Variants in CSMD1 observed in about 807,000 individuals in gnomAD.
CSMD1 encodes CUB and Sushi multiple domains 1.
CSMD1 carries 213 observed loss-of-function variants against 417.5 expected under a neutral mutation model. That is an observed-to-expected ratio of 0.51 (90% CI 0.46 to 0.57). The LOEUF (loss-of-function observed/expected upper bound fraction) is 0.57, where lower values mean the gene tolerates loss of function less well. CSMD1 is among the 20% of genes least tolerant of loss of function. The pLI is 0.00. For missense variants in CSMD1, 6,923 were observed against 4,529.7 expected (o/e 1.53, Z -15.17); for synonymous variants, 2,862 against 1,736.8 (o/e 1.65, Z -16.11).
intron 1 of CSMD1, among the ~76,000 whole-genome samples, chr8:4,730,926 G>T (rs1474775195): frequency 6.6e-6 from 1 of 152,012 alleles, no homozygotes; most frequent in Non-Finnish European, 1.5e-5. Context: ...AGTCATTCCT[G>T]AGGCAACCAG....
rs1277057956 is a variant in CSMD1 at position 4,433,331 on chromosome 8, A to G, written c.303-13266T>C. Among the ~76,000 whole-genome samples, 8 of 152,326 alleles carry G rather than the reference A, an allele frequency of 5.3e-5. 1 individual carries two copies. In the East Asian group the frequency reaches 1.5e-3, roughly 29 times the overall value. On this transcript the variant is annotated intron_variant, in intron 2 of 69. Transcript: ENST00000635120. The stretch of plus-strand genomic sequence containing the variant: ...CCACGAAACTGGTCCCTGGCACCAG[A>G]AAGGTTGGGGACTGCTATTATATAC...
chr8:4,732,697 A>G (rs1809982010), intron 1 of CSMD1, among the ~76,000 whole-genome samples: 1 of 152,188 alleles, frequency 6.6e-6, no homozygotes, highest in African/African-American at 2.4e-5. Context: ...GCTCTGACTA[A>G]GCAGACTTCC....
chr8:3,957,069 C>G (rs189402713), intron 5 of CSMD1, among the ~76,000 whole-genome samples: 1 of 152,182 alleles, frequency 6.6e-6, no homozygotes, highest in East Asian at 1.9e-4. Context: ...GACAAAAACG[C>G]CGGGGGAGGC....
intron 22 of CSMD1, among the ~76,000 whole-genome samples, chr8:3,343,851 C>T (rs1807815876): frequency 1.3e-5 from 2 of 152,134 alleles, no homozygotes; most frequent in South Asian, 4.1e-4. Flanking sequence ...TCTGAACTCT[C>T]AACTAAGTCA....
intron 10 of CSMD1, among the ~76,000 whole-genome samples, chr8:3,574,548 A>T: frequency 6.6e-6 from 1 of 152,194 alleles, no homozygotes; most frequent in East Asian, 1.9e-4. Context: ...AGCCCGGCCA[A>T]AAGACAGTAT....
chr8:3,736,065 G>C (rs571354164), intron 6 of CSMD1, among the ~76,000 whole-genome samples: 1 of 152,044 alleles, frequency 6.6e-6, no homozygotes, highest in Non-Finnish European at 1.5e-5. Flanking sequence ...AGGTGTGAAG[G>C]AGATTAATAA....
At chr8:3,483,776 A>T (rs1817872847) in intron 11 of CSMD1, among the ~76,000 whole-genome samples, 1 of 152,218 alleles carries the variant, frequency 6.6e-6, no homozygotes, top group Non-Finnish European at 1.5e-5. Context: ...CAATGTACAA[A>T]TCAATTATAC....
At chr8:3,585,457 T>A (rs2116995405) in intron 9 of CSMD1, among the ~76,000 whole-genome samples, 1 of 152,304 alleles carries the variant, frequency 6.6e-6, no homozygotes, top group South Asian at 2.1e-4. Flanking sequence ...AACCCAGCAT[T>A]TCTTTAATTT....
intron 5 of CSMD1, among the ~76,000 whole-genome samples, chr8:3,886,582 T>G (rs1434854031): frequency 6.6e-6 from 1 of 152,190 alleles, no homozygotes; most frequent in African/African-American, 2.4e-5. Context: ...CAGGAAAAGT[T>G]TATTTTCCAA....
At chr8:4,285,168 T>G (rs745658587) in intron 3 of CSMD1, among the ~76,000 whole-genome samples, 15 of 152,344 alleles carry the variant, frequency 9.8e-5, no homozygotes, top group Non-Finnish European at 1.5e-4. Flanking sequence ...TTTTACTCCA[T>G]GAATTTTATG....
chr8:4,253,779 A>T (rs749498381), intron 3 of CSMD1, among the ~76,000 whole-genome samples: 4 of 151,902 alleles, frequency 2.6e-5, no homozygotes, highest in Non-Finnish European at 4.4e-5. Context: ...AGCTGATGAA[A>T]ATTTTGCCTG....
intron 2 of CSMD1, among the ~76,000 whole-genome samples, chr8:4,457,555 G>C (rs1011493897): frequency 6.6e-6 from 1 of 151,862 alleles, no homozygotes; most frequent in Admixed American, 6.6e-5. Flanking sequence ...TACTAGATGG[G>C]CCTGTTAATT....
intron 41 of CSMD1, among the ~76,000 whole-genome samples, chr8:3,140,326 G>GTT (rs1013776029): frequency 7.3e-6 from 1 of 137,104 alleles, no homozygotes; most frequent in East Asian, 2.1e-4. Context: ...CCTCTCTGAT[G>GTT]TTCTCTCTCT....
intron 7 of CSMD1, among the ~76,000 whole-genome samples, chr8:3,640,757 G>A (rs1006281068): frequency 1.3e-5 from 2 of 152,198 alleles, no homozygotes; most frequent in Admixed American, 6.5e-5. Flanking sequence ...TGTACAGGAA[G>A]TGAGACATTC....
chr8:3,288,667 G>A (rs976663257), intron 25 of CSMD1, among the ~76,000 whole-genome samples: 1 of 146,704 alleles, frequency 6.8e-6, no homozygotes, highest in African/African-American at 2.7e-5. Context: ...ATTTTTTATT[G>A]TGTCTATTTG....
intron 29 of CSMD1, 33 bp from the exon 30 acceptor site, chr8:3,214,724 G>C (rs375412570): frequency 4.7e-6 from 7 of 1,494,584 alleles, no homozygotes; most frequent in Non-Finnish European, 5.4e-6. Context: ...CTGCATGAGA[G>C]CAGGGATCTT....
chr8:4,908,893 C>T (rs1202005227), intron 1 of CSMD1, among the ~76,000 whole-genome samples: 3 of 152,176 alleles, frequency 2.0e-5, no homozygotes, highest in Non-Finnish European at 4.4e-5. Context: ...CCCTGACTGG[C>T]AATGTCAACA....
chr8:3,802,474 C>T (rs1181805404), intron 5 of CSMD1, among the ~76,000 whole-genome samples: 5 of 152,218 alleles, frequency 3.3e-5, no homozygotes, highest in African/African-American at 9.6e-5. Flanking sequence ...ACATAAGTAT[C>T]AACTTCATTC....
chr8:3,561,511 T>C (rs143135589), intron 10 of CSMD1, among the ~76,000 whole-genome samples: 1 of 152,120 alleles, frequency 6.6e-6, no homozygotes, highest in Admixed American at 6.5e-5. Context: ...CTAAGTAAAA[T>C]AATGCAGAAA....
Sources: allele counts gnomAD v4.1 joint callset (sites outside exome capture counted in the v4.1 genomes callset), GRCh38; gene constraint gnomAD v4.1.1; transcripts MANE v1.5; gene names NCBI Gene and HGNC (gene_info 2026-07-23, HGNC 2026-07-21).